The following TEK variants were observed in gnomAD, a reference collection of about 807,000 sequenced individuals.
TEK encodes TEK receptor tyrosine kinase, also known as angiopoietin-1 receptor.
In TEK, 43 loss-of-function variants were observed where a neutral mutation model predicts 131.8. That is an observed-to-expected ratio of 0.33 (90% CI 0.26 to 0.42). The LOEUF (loss-of-function observed/expected upper bound fraction) is 0.42, where lower values mean the gene tolerates loss of function less well. Among genes scored for constraint, TEK ranks in the 10% least tolerant of loss-of-function variants. The pLI is 1.00. For synonymous variants in TEK, 580 were observed against 491.6 expected (o/e 1.18, Z -2.38); for missense variants, 1,162 against 1,384.4 (o/e 0.84, Z 2.55).
At position 27,185,629 on chromosome 9, in the gene TEK, G is replaced by C; in HGVS notation, c.1327G>C (p.Val443Leu). 1.2e-6 allele frequency: 2 copies of C among 1,613,568 alleles called. No individual in the cohort carries two copies. The highest frequency in any genetic ancestry group is 1.3e-5 in the African/African-American group (1 of 74,972). Reference sequence around the variant, plus strand: ...AAAGCCCTTCAACATTTCTGTTAAAGGTAAGTTCATTTCCCAGAAAAAGGG... The same window carrying C: ...AAAGCCCTTCAACATTTCTGTTAAACGTAAGTTCATTTCCCAGAAAAAGGG... ...VEKPFNISVK[V>L]LPKPLNAPNV... Residue 443 changes from valine (V) to leucine (L), a missense_variant and splice_region_variant, in exon 9 of 23, where the codon GTT becomes CTT. Val to Leu is a conservative substitution (Grantham distance 32, BLOSUM62 1). Transcript: ENST00000380036.
rs1244926976 is a variant in TEK, at chr9:27,128,646, A to G, written c.52+19004A>G. On this transcript the variant is annotated intron_variant, in intron 1 of 22. Transcript: ENST00000380036. Reference sequence around the variant, plus strand: ...TTTCCATTTGTTTGTGTCCTTTTTTATTTCATTGAGCAGTGGTTTGTAGTT... The same window carrying G: ...TTTCCATTTGTTTGTGTCCTTTTTTGTTTCATTGAGCAGTGGTTTGTAGTT... 2.0e-5 allele frequency among the ~76,000 whole-genome samples: 3 copies of G among 151,978 alleles called. No homozygotes were observed. The East Asian group carries it at 5.8e-4, about 29-fold the overall frequency.
Position 27,208,219 on chromosome 9 carries a change from G to C in TEK, c.2576-902G>C, listed in dbSNP as rs539700936. On this transcript the variant is annotated intron_variant, in intron 15 of 22. Transcript: ENST00000380036. ...ATTGACCCTCCATGAGGCTTCTGTAGTATGAACAGAGCACTTGACTTATGA... is the reference window on the plus strand; with the variant it reads ...ATTGACCCTCCATGAGGCTTCTGTACTATGAACAGAGCACTTGACTTATGA... 1.3e-3 allele frequency among the ~76,000 whole-genome samples: 193 copies of C among 152,280 alleles called. 1 individual carries two copies. The highest frequency in any genetic ancestry group is 4.5e-3 in the African/African-American group (188 of 41,556).
At chr9:27,164,752 T>C (rs1321959936) in intron 2 of TEK, among the ~76,000 whole-genome samples, 2 of 152,060 alleles carry the variant, frequency 1.3e-5, no homozygotes, top group African/African-American at 4.8e-5. Context: ...CCTAGGCTGG[T>C]CTCAAACTCC....
intron 21 of TEK, among the ~76,000 whole-genome samples, chr9:27,224,438 T>G (rs1011808768): frequency 2.6e-5 from 4 of 152,196 alleles, no homozygotes; most frequent in Non-Finnish European, 5.9e-5. Context: ...ATCCTTGGGA[T>G]GCAAGGCTGG....
chr9:27,221,504 GACAGGACATCTTAT>G (rs763126200), intron 21 of TEK, among the ~76,000 whole-genome samples: 54 of 152,192 alleles, frequency 3.5e-4, no homozygotes, highest in Non-Finnish European at 6.3e-4. Flanking sequence ...AGTAGGGGTC[GACAGGACATCTTAT>G]ACAGGACAGC....
At chr9:27,137,249 A>C (rs1822495007) in intron 1 of TEK, among the ~76,000 whole-genome samples, 1 of 152,102 alleles carries the variant, frequency 6.6e-6, no homozygotes. Context: ...CTTCACGGAT[A>C]TTTTCATATG....
At chr9:27,123,244 T>C (rs1478228627) in intron 1 of TEK, among the ~76,000 whole-genome samples, 1 of 151,936 alleles carries the variant, frequency 6.6e-6, no homozygotes. Context: ...TCTCACATCC[T>C]GGTAGGTTCC....
intron 1 of TEK, among the ~76,000 whole-genome samples, chr9:27,117,720 G>A (rs1280806487): frequency 6.6e-6 from 1 of 152,228 alleles, no homozygotes; most frequent in African/African-American, 2.4e-5. Flanking sequence ...AAAGAAGCCA[G>A]TCAGGCGTGG....
chr9:27,137,228 T>G (rs1822493286), intron 1 of TEK, among the ~76,000 whole-genome samples: 1 of 152,196 alleles, frequency 6.6e-6, no homozygotes, highest in Admixed American at 6.5e-5. Context: ...TAAATCTATC[T>G]TTTGATAAAA....
intron 12 of TEK, among the ~76,000 whole-genome samples, chr9:27,197,980 A>G (rs1008727926): frequency 6.6e-6 from 1 of 152,218 alleles, no homozygotes; most frequent in African/African-American, 2.4e-5. Flanking sequence ...TAAAAACCAA[A>G]TAACTTTGCT....
intron 12 of TEK, chr9:27,198,212 T>C (rs1349826776): frequency 6.1e-6 from 1 of 162,736 alleles, no homozygotes; most frequent in East Asian, 1.7e-4. Flanking sequence ...ATTAGAACTG[T>C]GTGCATTTGG....
At chr9:27,228,377 A>G in intron 22 of TEK, 72 bp downstream of exon 22, 1 of 1,156,490 alleles carries the variant, frequency 8.6e-7, no homozygotes, top group Non-Finnish European at 1.3e-6. Flanking sequence ...CATAAAAAAC[A>G]TTGAAATAAT....
chr9:27,220,700 C>T (rs927551900), intron 21 of TEK, among the ~76,000 whole-genome samples: 4 of 152,202 alleles, frequency 2.6e-5, no homozygotes, highest in East Asian at 1.9e-4. Flanking sequence ...GGGGAACTCC[C>T]TTCCTAGCGA....
At chr9:27,114,925 T>G (rs2131028807) in intron 1 of TEK, among the ~76,000 whole-genome samples, 1 of 152,326 alleles carries the variant, frequency 6.6e-6, no homozygotes, top group Non-Finnish European at 1.5e-5. Flanking sequence ...CATTCACTCA[T>G]CTATCCTTTC....
chr9:27,177,788 T>C (rs373404645), intron 6 of TEK, among the ~76,000 whole-genome samples: 1 of 152,110 alleles, frequency 6.6e-6, no homozygotes, highest in African/African-American at 2.4e-5. Context: ...TCTATTCAGG[T>C]CCTTTGTCCA....
At chr9:27,177,773 AG>A (rs201900988) in intron 6 of TEK, among the ~76,000 whole-genome samples, 11 of 152,138 alleles carry the variant, frequency 7.2e-5, no homozygotes, top group Admixed American at 2.0e-4. Flanking sequence ...AGAAAAAAAA[AG>A]ATGTCTATTC....
At chr9:27,170,059 A>G (rs922307459) in intron 4 of TEK, among the ~76,000 whole-genome samples, 1 of 152,166 alleles carries the variant, frequency 6.6e-6, no homozygotes, top group Admixed American at 6.6e-5. Flanking sequence ...CAAAAGAGGA[A>G]GCAAACACAT....
chr9:27,115,498 CA>C (rs1412751387), intron 1 of TEK, among the ~76,000 whole-genome samples: 3 of 146,272 alleles, frequency 2.1e-5, no homozygotes, highest in African/African-American at 7.5e-5. Flanking sequence ...GACATTGTCT[CA>C]AAAAAAACAA....
chr9:27,145,905 A>G (rs1436221639), intron 1 of TEK, among the ~76,000 whole-genome samples: 1 of 152,230 alleles, frequency 6.6e-6, no homozygotes, highest in Non-Finnish European at 1.5e-5. Flanking sequence ...TTAAAATTAT[A>G]GAGGAAATGA....
Sources: allele counts gnomAD v4.1 joint callset (sites outside exome capture counted in the v4.1 genomes callset), GRCh38; gene constraint gnomAD v4.1.1; transcripts MANE v1.5; gene names NCBI Gene and HGNC (gene_info 2026-07-23, HGNC 2026-07-21).